PCCA: variants seen among roughly 807,000 people sequenced by gnomAD.
PCCA encodes propionyl-CoA carboxylase alpha chain, mitochondrial.
In PCCA, 74 loss-of-function variants were observed where a neutral mutation model predicts 101.3. That is an observed-to-expected ratio of 0.73 (90% CI 0.61 to 0.89). The LOEUF (loss-of-function observed/expected upper bound fraction) is 0.89. PCCA is among the 40% of genes least tolerant of loss of function. The pLI, the probability that PCCA is intolerant of heterozygous loss-of-function variation, is 0.00. For synonymous variants in PCCA, 294 were observed against 313.6 expected (o/e 0.94, Z 0.66); for missense variants, 891 against 907.0 (o/e 0.98, Z 0.23).
At chr13:100,124,042 A>G (rs572299587) in intron 4 of PCCA, among the ~76,000 whole-genome samples, 29 of 152,276 alleles carry the variant, frequency 1.9e-4, no homozygotes, top group Middle Eastern at 3.4e-3. Flanking sequence ...GGAATTTAAG[A>G]TTGTTGTACT....
At chr13:100,352,116 A>G (rs932464925) in intron 18 of PCCA, among the ~76,000 whole-genome samples, 32 of 152,330 alleles carry the variant, frequency 2.1e-4, no homozygotes, top group African/African-American at 7.7e-4. Flanking sequence ...GAAAAAAGAT[A>G]TGACATATAG....
intron 23 of PCCA, 25 bp from the exon 24 acceptor site, chr13:100,530,073 C>T (rs371321336): frequency 1.3e-5 from 21 of 1,592,912 alleles, no homozygotes; most frequent in Non-Finnish European, 1.8e-5. Flanking sequence ...ACTCTCCCCT[C>T]CCCCTGCATT....
At chr13:100,149,376 G>A (rs2053013012) in intron 4 of PCCA, 2 of 151,750 alleles carry the variant, frequency 1.3e-5, no homozygotes, top group Non-Finnish European at 2.9e-5. Context: ...CATTCACATT[G>A]TTGTGCAGCC....
In PCCA at chr13:100,289,639, T is replaced by C. The variant is rs533286764; in HGVS notation, c.1066-11821T>C. Among the ~76,000 whole-genome samples the C allele has an allele frequency of 2.6e-5, 4 of 152,222 alleles. No individual in the cohort carries two copies. In the South Asian group the frequency reaches 8.3e-4, roughly 32 times the overall value. On this transcript the variant is annotated intron_variant, in intron 12 of 23. Coordinates refer to ENST00000376285, the MANE Select transcript of PCCA (RefSeq NM_000282.4). ...GTTAATTATCCCTTTTGTTTCCCAT[T>C]GATAATTTGGAAATCCTATTGTCCT...
intron 9 of PCCA, among the ~76,000 whole-genome samples, chr13:100,260,468 C>T (rs1309141507): frequency 6.6e-5 from 10 of 150,920 alleles, no homozygotes; most frequent in African/African-American, 2.4e-4. Flanking sequence ...GCGATCTCGG[C>T]TCACTGCAAC....
intron 17 of PCCA, among the ~76,000 whole-genome samples, chr13:100,335,121 C>G (rs2070238299): frequency 6.6e-6 from 1 of 152,126 alleles, no homozygotes; most frequent in African/African-American, 2.4e-5. Flanking sequence ...CTCAAGAGTA[C>G]TATACCCAGC....
chr13:100,102,842 A>G (rs373673401), intron 1 of PCCA, 41 bp from the exon 2 acceptor site: 1 of 1,331,664 alleles, frequency 7.5e-7, no homozygotes, highest in Non-Finnish European at 1.1e-6. Context: ...TCTAAAGCCC[A>G]TCAAGTATTT....
At chr13:100,260,597 G>A (rs1339980981) in intron 9 of PCCA, among the ~76,000 whole-genome samples, 6 of 151,694 alleles carry the variant, frequency 4.0e-5, no homozygotes, top group Non-Finnish European at 5.9e-5. Flanking sequence ...GGGTTTCACC[G>A]TGTTGCCCAG....
chr13:100,328,717 G>A (rs897257073), intron 16 of PCCA, among the ~76,000 whole-genome samples: 65 of 112,226 alleles, frequency 5.8e-4, no homozygotes, highest in African/African-American at 2.2e-3. Context: ...TTTTTGAGAT[G>A]TTGTCTAGCT....
At chr13:100,462,445 G>A (rs902235915) in intron 21 of PCCA, among the ~76,000 whole-genome samples, 3 of 152,136 alleles carry the variant, frequency 2.0e-5, no homozygotes, top group African/African-American at 7.2e-5. Context: ...CACACTGGCT[G>A]GTGAAGACAG....
chr13:100,525,824 G>A (rs1250343052), intron 22 of PCCA, among the ~76,000 whole-genome samples: 1 of 152,210 alleles, frequency 6.6e-6, no homozygotes, highest in East Asian at 1.9e-4. Context: ...GGCTGGGTGG[G>A]TGTTTGGGAG....
intron 19 of PCCA, among the ~76,000 whole-genome samples, 166 bp downstream of exon 19, chr13:100,368,740 A>G (rs923466142): frequency 3.9e-5 from 6 of 152,090 alleles, no homozygotes; most frequent in Admixed American, 3.3e-4. Context: ...TTGTTCTCTT[A>G]TGCTTATTAG....
intron 7 of PCCA, among the ~76,000 whole-genome samples, chr13:100,229,634 AAAGTTCTATGTTGTT>A (rs1316366621): frequency 9.9e-5 from 15 of 152,180 alleles, no homozygotes; most frequent in African/African-American, 3.6e-4. Context: ...CCTCTTTTAA[AAAGTTCTATGTTGTT>A]AGCCAATTGG....
At chr13:100,305,778 A>T (rs547526727) in intron 14 of PCCA, 2 of 435,580 alleles carry the variant, frequency 4.6e-6, no homozygotes, top group South Asian at 3.7e-5. Flanking sequence ...AATTTCATAG[A>T]ACATCAGTTT....
At chr13:100,343,709 C>T (rs2071741818) in intron 18 of PCCA, among the ~76,000 whole-genome samples, 1 of 152,298 alleles carries the variant, frequency 6.6e-6, no homozygotes, top group South Asian at 2.1e-4. Flanking sequence ...TACAATCTCA[C>T]TTGATCTTAG....
chr13:100,208,778 A>G (rs1177718518), intron 6 of PCCA, among the ~76,000 whole-genome samples: 1 of 152,124 alleles, frequency 6.6e-6, no homozygotes, highest in Non-Finnish European at 1.5e-5. Flanking sequence ...CTCATCTTTT[A>G]TAGTCACAGG....
chr13:100,478,437 G>A (rs1169500764), intron 21 of PCCA, among the ~76,000 whole-genome samples: 1 of 152,170 alleles, frequency 6.6e-6, no homozygotes, highest in African/African-American at 2.4e-5. Context: ...TCTTGATGCT[G>A]GGCGGGTGCC....
At chr13:100,282,257 G>T (rs2064180405) in intron 12 of PCCA, among the ~76,000 whole-genome samples, 1 of 152,242 alleles carries the variant, frequency 6.6e-6, no homozygotes, top group African/African-American at 2.4e-5. Context: ...CAAAGACCCT[G>T]GCAGTTGTGA....
intron 7 of PCCA, among the ~76,000 whole-genome samples, chr13:100,231,982 A>G (rs572657379): frequency 2.6e-5 from 4 of 152,236 alleles, no homozygotes; most frequent in South Asian, 4.2e-4. Context: ...GTCATACGCT[A>G]TGTACTCCAA....
Sources: gnomAD v4.1 joint callset for allele counts (sites outside exome capture counted in the v4.1 genomes callset) on GRCh38, gnomAD v4.1.1 for gene constraint, MANE v1.5 for transcripts, NCBI Gene and HGNC (gene_info 2026-07-23, HGNC 2026-07-21) for gene names.